ANKRD26: variants seen among roughly 807,000 people sequenced by gnomAD.
ANKRD26 encodes ankyrin repeat domain 26.
A neutral mutation model predicts 208.7 loss-of-function variants in ANKRD26; 141 were observed. That is an observed-to-expected ratio of 0.68 (90% CI 0.59 to 0.78). The LOEUF (loss-of-function observed/expected upper bound fraction) is 0.78, where lower values mean the gene tolerates loss of function less well. Among genes scored for constraint, ANKRD26 ranks in the 30% least tolerant of loss-of-function variants. The pLI, the probability that ANKRD26 is intolerant of heterozygous loss-of-function variation, is 0.00. For synonymous variants in ANKRD26, 636 were observed against 660.4 expected (o/e 0.96, Z 0.57); for missense variants, 1,889 against 1,938.7 (o/e 0.97, Z 0.48).
intron 3 of ANKRD26, among the ~76,000 whole-genome samples, chr10:26,985,189 G>A (rs769126518): frequency 2.0e-5 from 3 of 152,118 alleles, no homozygotes; most frequent in Non-Finnish European, 4.4e-5. Context: ...CCAGCCAGAA[G>A]GGGAAAATGA....
At chr10:26,973,476 T>C (rs2052178639), downstream of ANKRD26, among the ~76,000 whole-genome samples, 1 of 151,686 alleles carries the variant, frequency 6.6e-6, no homozygotes, top group Non-Finnish European at 1.5e-5. Flanking sequence ...TTACTTTTAA[T>C]CTTTCTGTTT....
chr10:26,992,253 A>C (rs1443208539), intron 5 of ANKRD26, among the ~76,000 whole-genome samples: 1 of 152,088 alleles, frequency 6.6e-6, no homozygotes, highest in African/African-American at 2.4e-5. Context: ...TTTTCCTCTT[A>C]CATTTTCCTC....
At position 27,060,492 on chromosome 10, in the gene ANKRD26, AAAAATAT is replaced by A; in HGVS notation, c.1491+13_1491+19del. ...CAATATGCACTTAATAATTCAAGATAAAAATATAAAACTTATTACCTTCAAGTGAAGA... is the reference window on the plus strand; with the variant it reads ...CAATATGCACTTAATAATTCAAGATAAAAACTTATTACCTTCAAGTGAAGA... On this transcript the variant is annotated intron_variant, in intron 14 of 33. Coordinates refer to ENST00000376087, the MANE Select transcript of ANKRD26 (RefSeq NM_014915.3). The A allele has an allele frequency of 6.4e-7, 1 of 1,560,918 alleles. No homozygotes were observed. The highest frequency in any genetic ancestry group is 8.8e-7 in the Non-Finnish European group (1 of 1,134,968).
At chr10:26,995,019 T>G (rs1289490729) in intron 5 of ANKRD26, 1 of 470,212 alleles carries the variant, frequency 2.1e-6, no homozygotes, top group African/African-American at 2.0e-5. Flanking sequence ...GCTCCCCTCT[T>G]AAATCAGACC....
the ANKRD26 span, among the ~76,000 whole-genome samples, chr10:26,947,999 T>C: frequency 1.3e-5 from 2 of 152,220 alleles, no homozygotes; most frequent in African/African-American, 2.4e-5. Context: ...TGGAGTATAG[T>C]GTCGTGATCT....
intron 16 of ANKRD26, among the ~76,000 whole-genome samples, chr10:27,050,219 C>CA (rs67384671): frequency 0.35 from 11,742 of 33,170 alleles, 3,248 homozygotes; most frequent in Non-Finnish European, 0.51. Flanking sequence ...GAATCTGTCT[C>CA]AAAAAAAAAA....
At chr10:26,985,978 C>T (rs1261543654) in intron 3 of ANKRD26, among the ~76,000 whole-genome samples, 1 of 152,154 alleles carries the variant, frequency 6.6e-6, no homozygotes, top group East Asian at 1.9e-4. Context: ...CAAGTCAATC[C>T]TAAGCCAAAA....
intron 12 of ANKRD26, among the ~76,000 whole-genome samples, chr10:27,063,571 T>C (rs984627709): frequency 1.3e-5 from 2 of 152,340 alleles, no homozygotes; most frequent in Admixed American, 1.3e-4. Flanking sequence ...TCTGCCCGCC[T>C]CGGCCTCCCA....
At chr10:26,968,132 C>T in the ANKRD26 span, among the ~76,000 whole-genome samples, 119 of 152,266 alleles carry the variant, frequency 7.8e-4, no homozygotes, top group African/African-American at 2.7e-3. Flanking sequence ...AGTTTTCCAC[C>T]ACCAACCTCT....
chr10:27,047,836 C>T (rs898653780), intron 17 of ANKRD26, among the ~76,000 whole-genome samples: 3 of 151,572 alleles, frequency 2.0e-5, no homozygotes, highest in Non-Finnish European at 4.4e-5. Flanking sequence ...TTCCGACTCC[C>T]GGGTTCAAGT....
chr10:26,975,067 C>T (rs2134600514), exon 6 of ANKRD26, among the ~76,000 whole-genome samples: 1 of 152,238 alleles, frequency 6.6e-6, no homozygotes, highest in East Asian at 1.9e-4. Flanking sequence ...TTACAGGAGA[C>T]TTGTCTTGAG....
At chr10:26,993,771 T>C (rs1226692232) in intron 5 of ANKRD26, among the ~76,000 whole-genome samples, 1 of 152,076 alleles carries the variant, frequency 6.6e-6, no homozygotes, top group Non-Finnish European at 1.5e-5. Context: ...GTCCTGACCA[T>C]AGAAAGGAGA....
intron 16 of ANKRD26, chr10:27,051,201 G>A (rs1213133783): frequency 6.2e-6 from 8 of 1,289,860 alleles, no homozygotes; most frequent in Non-Finnish European, 8.1e-6. Context: ...ACGTGGTGGA[G>A]AAGACCTCAC....
intron 28 of ANKRD26, among the ~76,000 whole-genome samples, chr10:27,023,766 T>C (rs2053568663): frequency 6.6e-6 from 1 of 152,172 alleles, no homozygotes; most frequent in African/African-American, 2.4e-5. Flanking sequence ...GCAGCCATGT[T>C]AGGGGCTTCC....
In ANKRD26 at chr10:27,037,088, C is replaced by T. The variant is rs66494764; in HGVS notation, c.2697+98G>A. 120,368 of 1,291,570 alleles carry T rather than the reference C, an allele frequency of 0.093. 6,954 individuals carry two copies. Among genetic ancestry groups the T allele is most frequent in the East Asian group, 0.27 (10,819 of 40,188 alleles). The allele number at this position is 1,291,570 out of a possible 1,614,324, so 80.0% of individuals were successfully genotyped here. A position where few individuals can be genotyped will look rare whatever the true frequency, so the allele number is the denominator to read the frequency against. Reference sequence around the variant, plus strand: ...ACATATATGGTTTAAAAATCCTCGACACTTTCCAAGATGCATATATAGTTG... The same window carrying T: ...ACATATATGGTTTAAAAATCCTCGATACTTTCCAAGATGCATATATAGTTG... On this transcript the variant is annotated intron_variant, in intron 23 of 33. Transcript: ENST00000376087.
At chr10:27,092,020 G>T (rs769045205) in intron 4 of ANKRD26, among the ~76,000 whole-genome samples, 1 of 151,258 alleles carries the variant, frequency 6.6e-6, no homozygotes, top group South Asian at 2.1e-4. Flanking sequence ...GTTAAAGTCC[G>T]CATTTTATAA....
Position 27,035,451 on chromosome 10 carries a change from T to C in ANKRD26, c.2999A>G (p.Glu1000Gly). The C allele has an allele frequency of 1.2e-6, 2 of 1,614,052 alleles. No individual in the cohort carries two copies. Among genetic ancestry groups the C allele is most frequent in the Non-Finnish European group, 1.7e-6 (2 of 1,179,960 alleles). ...SKLENEKQSK[E>G]RLEAEVESYH... ...TGATTCAACTTCTGCTTCCAGTCTT[T>C]CCTTGCTTTGCTTTTCATTCTCCAG... Residue 1000 changes from glutamate to glycine, a missense_variant, in exon 24 of 34, where the codon GAA becomes GGA. Transcript: ENST00000376087.
At chr10:26,995,008 T>A in intron 5 of ANKRD26, 2 of 469,244 alleles carry the variant, frequency 4.3e-6, no homozygotes, top group Non-Finnish European at 8.8e-6. Flanking sequence ...AACATTTCCA[T>A]GCTCCCCTCT....
At chr10:26,955,617 A>C in the ANKRD26 span, among the ~76,000 whole-genome samples, 1 of 152,172 alleles carries the variant, frequency 6.6e-6, no homozygotes, top group African/African-American at 2.4e-5. Context: ...CCTCTTGAAC[A>C]GTTCCATGTA....
Sources: allele counts gnomAD v4.1 joint callset (sites outside exome capture counted in the v4.1 genomes callset), GRCh38; gene constraint gnomAD v4.1.1; transcripts MANE v1.5; gene names NCBI Gene and HGNC (gene_info 2026-07-23, HGNC 2026-07-21).